Variants in TMPRSS15 observed in about 807,000 individuals in gnomAD.
The protein encoded by TMPRSS15 is transmembrane serine protease 15.
In TMPRSS15, 128 loss-of-function variants were observed where a neutral mutation model predicts 125.3. The observed-to-expected ratio is 1.02, with a 90% confidence interval of 0.89 to 1.18. The LOEUF is 1.18. Among genes scored for constraint, TMPRSS15 ranks in the 50% most tolerant of loss-of-function variants. TMPRSS15 has a pLI of 0.00. For missense variants in TMPRSS15, 1,283 were observed against 1,212.7 expected (o/e 1.06, Z -0.86); for synonymous variants, 446 against 423.2 (o/e 1.05, Z -0.66).
At chr21:18,339,690 T>C (rs899903145) in intron 13 of TMPRSS15, among the ~76,000 whole-genome samples, 5 of 64,456 alleles carry the variant, frequency 7.8e-5, no homozygotes, top group Non-Finnish European at 1.7e-4. Flanking sequence ...AAAAGCATTG[T>C]TTTTTTTGCA....
chr21:18,279,171 TA>T (rs904630758), intron 22 of TMPRSS15, 112 bp from the exon 23 acceptor site: 5 of 685,746 alleles, frequency 7.3e-6, no homozygotes, highest in East Asian at 2.9e-5. Flanking sequence ...AAAAAACATG[TA>T]TTTTTTTTTT....
chr21:18,385,806 C>T (rs989775998), intron 3 of TMPRSS15, among the ~76,000 whole-genome samples: 3 of 151,936 alleles, frequency 2.0e-5, no homozygotes, highest in South Asian at 2.1e-4. Context: ...TGCAGCGGCA[C>T]GATCTCCGCT....
chr21:18,402,372 T>C (rs907438983), intron 1 of TMPRSS15, among the ~76,000 whole-genome samples: 1 of 151,600 alleles, frequency 6.6e-6, no homozygotes, highest in African/African-American at 2.4e-5. Flanking sequence ...CTACTAAAAA[T>C]ACAAAAATTA....
chr21:18,479,620 C>T (rs756752969), intron 1 of TMPRSS15, among the ~76,000 whole-genome samples: 2 of 151,820 alleles, frequency 1.3e-5, no homozygotes, highest in Non-Finnish European at 1.5e-5. Flanking sequence ...ATTTATGTGG[C>T]CCACAAACAT....
chr21:18,339,859 G>A (rs1394253643), intron 13 of TMPRSS15, among the ~76,000 whole-genome samples: 1 of 152,156 alleles, frequency 6.6e-6, no homozygotes, highest in African/African-American at 2.4e-5. Flanking sequence ...TAATTTGAAT[G>A]GTAATGGGTT....
At chr21:18,458,567 T>C (rs1421938918) in intron 1 of TMPRSS15, among the ~76,000 whole-genome samples, 1 of 152,214 alleles carries the variant, frequency 6.6e-6, no homozygotes. Flanking sequence ...AGTGTTTCCA[T>C]TCATGAAATT....
intron 4 of TMPRSS15, among the ~76,000 whole-genome samples, chr21:18,381,197 G>T (rs941057329): frequency 6.6e-6 from 1 of 152,018 alleles, no homozygotes; most frequent in Non-Finnish European, 1.5e-5. Flanking sequence ...ATGATAAGTG[G>T]GCTAAGAAGT....
intron 1 of TMPRSS15, among the ~76,000 whole-genome samples, chr21:18,474,119 T>A: frequency 6.6e-6 from 1 of 152,054 alleles, no homozygotes; most frequent in Admixed American, 6.6e-5. Context: ...AAGTTGCATA[T>A]ATATCCATAT....
chr21:18,461,877 T>A (rs1978557661), intron 1 of TMPRSS15, among the ~76,000 whole-genome samples: 2 of 152,134 alleles, frequency 1.3e-5, no homozygotes, highest in African/African-American at 4.8e-5. Context: ...AATCTTCCTT[T>A]ATGGGAGGAG....
intron 16 of TMPRSS15, among the ~76,000 whole-genome samples, chr21:18,321,513 C>T (rs903697209): frequency 6.6e-6 from 1 of 151,786 alleles, no homozygotes; most frequent in Non-Finnish European, 1.5e-5. Flanking sequence ...CCACCACGCC[C>T]AGCTAATATT....
chr21:18,457,258 G>C (rs986626361), intron 1 of TMPRSS15, among the ~76,000 whole-genome samples: 1 of 152,032 alleles, frequency 6.6e-6, no homozygotes, highest in Non-Finnish European at 1.5e-5. Context: ...AGTTAGACAC[G>C]AAAAATGAAA....
chr21:18,464,126 T>C (rs1445884548), intron 1 of TMPRSS15, among the ~76,000 whole-genome samples: 1 of 137,632 alleles, frequency 7.3e-6, no homozygotes, highest in East Asian at 2.1e-4. Flanking sequence ...TGAGCTGAGA[T>C]CGTGCCACTG....
chr21:18,281,215 G>A lies in TMPRSS15; in HGVS notation c.2493C>T (p.Asn831=). The change falls in exon 22 of 25, where the codon AAC becomes AAT. Residue 831 remains asparagine (N), a synonymous_variant. Coordinates refer to ENST00000284885, the MANE Select transcript of TMPRSS15 (RefSeq NM_002772.3). ...VSAAHCVYGR[N]LEPSKWTAIL... is the part of the protein sequence containing the mutation. ...TTGCTGTCCACTTGGATGGCTCTAA[G>A]TTTCTCCTGAAAATTGTAATGAAGA... 1.9e-6 allele frequency: 3 copies of A among 1,613,874 alleles called. No homozygotes were observed. Among genetic ancestry groups the A allele is most frequent in the Non-Finnish European group, 2.5e-6 (3 of 1,179,954 alleles).
chr21:18,477,025 T>C (rs1034440760), intron 1 of TMPRSS15, among the ~76,000 whole-genome samples: 1 of 152,178 alleles, frequency 6.6e-6, no homozygotes, highest in Non-Finnish European at 1.5e-5. Context: ...TATATTTTTC[T>C]TTAAACAGTG....
At chr21:18,332,645 G>A (rs181991019) in intron 13 of TMPRSS15, among the ~76,000 whole-genome samples, 2 of 152,246 alleles carry the variant, frequency 1.3e-5, no homozygotes, top group East Asian at 3.9e-4. Flanking sequence ...GACTGTTGGT[G>A]GGAATGTAAA....
chr21:18,337,927 G>C (rs1255923863), intron 13 of TMPRSS15, among the ~76,000 whole-genome samples: 1 of 152,088 alleles, frequency 6.6e-6, no homozygotes, highest in African/African-American at 2.4e-5. Context: ...GAAAAATATT[G>C]TCTTGAAGTG....
chr21:18,335,662 A>G (rs546931575), intron 13 of TMPRSS15, among the ~76,000 whole-genome samples: 14 of 152,344 alleles, frequency 9.2e-5, no homozygotes, highest in African/African-American at 3.1e-4. Context: ...CCCTGGCCTG[A>G]TAAAATAGAT....
chr21:18,362,648 T>G (rs1359557848), intron 7 of TMPRSS15, among the ~76,000 whole-genome samples: 5 of 152,172 alleles, frequency 3.3e-5, no homozygotes, highest in Non-Finnish European at 4.4e-5. Flanking sequence ...TAAATTAAAT[T>G]TCTTTAAATT....
intron 1 of TMPRSS15, among the ~76,000 whole-genome samples, chr21:18,466,609 C>G (rs150207344): frequency 0.014 from 2,139 of 152,180 alleles, 46 homozygotes; most frequent in African/African-American, 0.049. Context: ...AGGATATGAA[C>G]AGACACTTCT....
Sources: allele counts gnomAD v4.1 joint callset (sites outside exome capture counted in the v4.1 genomes callset), GRCh38; gene constraint gnomAD v4.1.1; transcripts MANE v1.5; gene names NCBI Gene and HGNC (gene_info 2026-07-23, HGNC 2026-07-21).